The following RNF4 variants were observed in gnomAD, a reference collection of about 807,000 sequenced individuals.
RNF4 encodes E3 ubiquitin-protein ligase RNF4.
A neutral mutation model predicts 24.3 loss-of-function variants in RNF4; 7 were observed. The observed-to-expected ratio is 0.29, with a 90% CI of 0.16 to 0.54. RNF4 has a LOEUF of 0.54. Ranked by LOEUF, RNF4 falls within the 20% of genes least tolerant of loss-of-function variation. RNF4 has a pLI of 0.95. For synonymous variants in RNF4, 83 were observed against 84.3 expected (o/e 0.98, Z 0.09); for missense variants, 209 against 248.5 (o/e 0.84, Z 1.07).
Position 2,482,739 on chromosome 4 carries a change from G to GCTGCTTT in RNF4, c.-157-7590_-157-7584dup, listed in dbSNP as rs1427017075. The stretch of plus-strand genomic sequence containing the variant: ...CTCATTGCCTCTCTGAGCATAGTCT[G>GCTGCTTT]CTGCTTTCTGCTTTGATCAAATTCA... On this transcript the variant is annotated intron_variant, in intron 1 of 7. Coordinates refer to ENST00000314289, the MANE Select transcript of RNF4 (RefSeq NM_002938.5). Among the ~76,000 whole-genome samples the GCTGCTTT allele has an allele frequency of 2.0e-5, 3 of 152,308 alleles. No individual in the cohort carries two copies. The East Asian group carries it at 5.8e-4, about 29-fold the overall frequency.
chr4:2,495,439 A>G (rs1364482575), intron 2 of RNF4, among the ~76,000 whole-genome samples: 2 of 152,170 alleles, frequency 1.3e-5, no homozygotes, highest in Admixed American at 6.6e-5. Context: ...TCTGCGCAGT[A>G]CTTTACATAC....
Position 2,469,435 on chromosome 4 carries a change from C to T in RNF4, c.-158+177C>T, listed in dbSNP as rs555756527. ...GCCGTCCGCGCGGGCGCACCGAGCC[C>T]GGCTTGGCGCGGGCAACAGAAGTTA... On this transcript the variant is annotated intron_variant, in intron 1 of 7. Coordinates refer to ENST00000314289, the MANE Select transcript of RNF4 (RefSeq NM_002938.5). 11 of 152,324 alleles carry T rather than the reference C, an allele frequency of 7.2e-5. No homozygotes were observed. The East Asian group carries it at 1.6e-3, about 21-fold the overall frequency. The allele number at this position is 152,324 out of a possible 1,614,324, so 9.4% of individuals were successfully genotyped here. A position where few individuals can be genotyped will look rare whatever the true frequency, so the allele number is the denominator to read the frequency against.
In RNF4 at chr4:2,515,423, CATT is replaced by C. The variant is rs760659003; in HGVS notation, c.*1605_*1607del. On this transcript the variant is annotated 3_prime_UTR_variant, in exon 8 of 8. Transcript: ENST00000314289. ...AGAGGGCAGAATCCGCAGCTCTCAT[CATT>C]GTGATGTGTAGCATGTCTGCCCTCT... 6.6e-6 allele frequency: 1 copy of C among 152,548 alleles called. No homozygotes were observed. Among genetic ancestry groups the C allele is most frequent in the African/African-American group, 2.4e-5 (1 of 41,456 alleles). 9.4% of individuals were successfully genotyped at this position (152,548 alleles called of 1,614,324 possible).
At chr4:2,506,335 C>G (rs1180869180) in intron 4 of RNF4, 1 of 151,922 alleles carries the variant, frequency 6.6e-6, no homozygotes, top group Non-Finnish European at 1.5e-5. Flanking sequence ...AGGTACACAC[C>G]ACCACGGCCA....
intron 4 of RNF4, among the ~76,000 whole-genome samples, chr4:2,507,212 G>A (rs928635255): frequency 6.6e-6 from 1 of 150,770 alleles, no homozygotes; most frequent in Non-Finnish European, 1.5e-5. Flanking sequence ...AAGAGGGAGG[G>A]AGGGAGGGAA....
intron 4 of RNF4, among the ~76,000 whole-genome samples, chr4:2,504,277 T>C (rs1736000835): frequency 6.6e-6 from 1 of 152,154 alleles, no homozygotes; most frequent in Non-Finnish European, 1.5e-5. Context: ...GAGGTGTGAG[T>C]GTCTTTGATT....
At chr4:2,473,103 A>G (rs1734957236) in intron 1 of RNF4, among the ~76,000 whole-genome samples, 1 of 150,124 alleles carries the variant, frequency 6.7e-6, no homozygotes. Context: ...CAACATCAGC[A>G]GTTCACGGTG....
chr4:2,508,270 C>T (rs145149983), intron 4 of RNF4, among the ~76,000 whole-genome samples: 367 of 152,318 alleles, frequency 2.4e-3, no homozygotes, highest in African/African-American at 7.7e-3. Context: ...AAAAGCCTCT[C>T]AAATAGATTA....
At chr4:2,496,776 A>G (rs996772932) in intron 2 of RNF4, among the ~76,000 whole-genome samples, 4 of 152,146 alleles carry the variant, frequency 2.6e-5, no homozygotes, top group African/African-American at 9.7e-5. Flanking sequence ...TGATAGTTTG[A>G]TAAAACAGAA....
intron 4 of RNF4, chr4:2,506,016 G>A (rs1189440615): frequency 6.6e-6 from 1 of 152,084 alleles, no homozygotes; most frequent in Admixed American, 6.6e-5. Context: ...ATGGAAGCTA[G>A]GCAGTTTTTG....
intron 4 of RNF4, among the ~76,000 whole-genome samples, chr4:2,507,165 G>C (rs186490781): frequency 6.6e-6 from 1 of 151,436 alleles, no homozygotes; most frequent in East Asian, 2.0e-4. Flanking sequence ...TCTGTAGAAA[G>C]GATGCTTGAT....
intron 2 of RNF4, among the ~76,000 whole-genome samples, chr4:2,492,503 G>A (rs1456756269): frequency 2.0e-5 from 3 of 152,232 alleles, no homozygotes; most frequent in African/African-American, 7.2e-5. Context: ...CAAAACATCT[G>A]TTGTCTGAGA....
intron 4 of RNF4, among the ~76,000 whole-genome samples, chr4:2,503,347 G>A (rs1420721050): frequency 6.6e-6 from 1 of 152,130 alleles, no homozygotes; most frequent in Non-Finnish European, 1.5e-5. Flanking sequence ...TGGGAGACCC[G>A]GGGACCAGGA....
intron 3 of RNF4, among the ~76,000 whole-genome samples, chr4:2,500,064 A>T (rs1735861125): frequency 6.6e-6 from 1 of 151,480 alleles, no homozygotes; most frequent in South Asian, 2.1e-4. Context: ...AGGCTGAGAC[A>T]GAGAATTGCT....
chr4:2,510,308 G>A (rs1051899542), intron 4 of RNF4, among the ~76,000 whole-genome samples: 20 of 152,184 alleles, frequency 1.3e-4, no homozygotes, highest in African/African-American at 4.6e-4. Flanking sequence ...GGGTCTCCAG[G>A]AATAACTCTT....
chr4:2,513,333 C>T (rs374365940), intron 7 of RNF4, among the ~76,000 whole-genome samples: 2 of 152,212 alleles, frequency 1.3e-5, no homozygotes, highest in Non-Finnish European at 2.9e-5. Context: ...CCTTCAGCCC[C>T]TATACTCCTG....
At chr4:2,489,339 C>G (rs573783811) in intron 1 of RNF4, among the ~76,000 whole-genome samples, 1 of 152,154 alleles carries the variant, frequency 6.6e-6, no homozygotes, top group South Asian at 2.1e-4. Flanking sequence ...GAGGATGACA[C>G]GGCACAGCAC....
chr4:2,497,153 G>A (rs377507743), intron 3 of RNF4, 32 bp downstream of exon 3: 19 of 1,521,344 alleles, frequency 1.2e-5, no homozygotes, highest in Non-Finnish European at 1.6e-5. Context: ...CAACTGTGGG[G>A]TGTTAAAGTG....
chr4:2,488,448 G>A (rs1474890353), intron 1 of RNF4, among the ~76,000 whole-genome samples: 2 of 152,234 alleles, frequency 1.3e-5, no homozygotes, highest in East Asian at 1.9e-4. Context: ...GTGAGACTCC[G>A]TCTCAAAAAC....
Sources: gnomAD v4.1 joint callset for allele counts (sites outside exome capture counted in the v4.1 genomes callset) on GRCh38, gnomAD v4.1.1 for gene constraint, MANE v1.5 for transcripts, NCBI Gene and HGNC (gene_info 2026-07-23, HGNC 2026-07-21) for gene names.